The following NBPF26 variants were observed in gnomAD, a reference collection of about 807,000 sequenced individuals.
NBPF26 encodes the protein NBPF member 26, also known as NBPF family member NBPF26.
Under a neutral mutation model 119.6 loss-of-function variants are expected in NBPF26, and 79 were observed. That is an observed-to-expected ratio of 0.66 (90% CI 0.55 to 0.80). NBPF26 has a LOEUF of 0.80. NBPF26 is among the 30% of genes least tolerant of loss of function. NBPF26 has a pLI of 0.00. For missense variants in NBPF26, 800 were observed against 1,198.2 expected, an observed-to-expected ratio of 0.67 and a Z score of 4.91; for synonymous variants, 299 against 457.7, an observed-to-expected ratio of 0.65 and a Z score of 4.43.
chr1:120,819,317 T>C (rs1652081442), intron 15 of NBPF26, among the ~76,000 whole-genome samples: 1 of 115,804 alleles, frequency 8.6e-6, no homozygotes, highest in Non-Finnish European at 1.7e-5. Context: ...CTTTTTTTTG[T>C]TTTCCATTTG....
Position 120,832,575 on chromosome 1 carries a change from T to G in NBPF26, c.3263-300T>G, listed in dbSNP as rs1367365405. On this transcript the variant is annotated intron_variant, in intron 22 of 29. Coordinates refer to ENST00000620612, the Ensembl canonical transcript of NBPF26. Reference sequence around the variant, plus strand: ...TTGCAGTTTTTCTCCTAGAAATCATTTGAGGGTATTTGCTTTAAGTTGATT... The same window carrying G: ...TTGCAGTTTTTCTCCTAGAAATCATGTGAGGGTATTTGCTTTAAGTTGATT... Among the ~76,000 whole-genome samples the G allele has an allele frequency of 5.0e-5, 6 of 119,142 alleles. No homozygotes were observed. The East Asian group carries it at 1.3e-3, about 25-fold the overall frequency. The allele number at this position is 119,142 out of a possible 152,430, so 78.2% of individuals were successfully genotyped here. A position where few individuals can be genotyped will look rare whatever the true frequency, so the allele number is the denominator to read the frequency against.
intron 4 of NBPF26, among the ~76,000 whole-genome samples, chr1:120,795,937 T>C (rs1651546084): frequency 3.9e-5 from 1 of 25,436 alleles, no homozygotes; most frequent in Non-Finnish European, 7.9e-5. Context: ...TGTGTGTGTG[T>C]GTGTGTGTGT....
chr1:120,745,829 A>C lies in NBPF26; in HGVS notation c.74-17799A>C, dbSNP rs1156812678. Among the ~76,000 whole-genome samples the C allele has an allele frequency of 5.4e-5, 5 of 92,414 alleles. 1 individual carries two copies. The highest frequency in any genetic ancestry group is 3.0e-4 in the South Asian group (1 of 3,360). 60.6% of individuals were successfully genotyped at this position (92,414 alleles called of 152,430 possible). On this transcript the variant is annotated intron_variant, in intron 1 of 29. Transcript: ENST00000620612. ...AGACTGCATCTCAAAAAAAAAAAAA[A>C]AAAAAACAAGGTAAAGTAATTTTTC...
In NBPF26 at chr1:120,784,084, C is replaced by G. The variant is rs1309789586; in HGVS notation, c.156-890C>G. On this transcript the variant is annotated intron_variant, in intron 2 of 29. Coordinates refer to ENST00000620612, the Ensembl canonical transcript of NBPF26. ...CAGTCATAGAAGGTTAGCTGTGAAA[C>G]AATAATTTGGAAAGGTAAATGGGAC... 1.7e-5 allele frequency among the ~76,000 whole-genome samples: 2 copies of G among 116,812 alleles called. 1 individual carries two copies. Among genetic ancestry groups the G allele is most frequent in the Admixed American group, 1.6e-4 (2 of 12,288 alleles). 76.6% of individuals were successfully genotyped at this position (116,812 alleles called of 152,430 possible).
chr1:120,785,314 G>A, intron 3 of NBPF26, 81 bp downstream of exon 3: 1 of 1,048,808 alleles, frequency 9.5e-7, no homozygotes, highest in South Asian at 1.4e-5. Context: ...ATGGTGTCTG[G>A]CTCTTAAATG....
chr1:120,783,638 G>A lies in NBPF26; in HGVS notation c.156-1336G>A, dbSNP rs1354248058. On this transcript the variant is annotated intron_variant, in intron 2 of 29. Coordinates refer to ENST00000620612, the Ensembl canonical transcript of NBPF26. ...AAACTGAACATATGGGACTGGAACA[G>A]TGTATTTTGGAGTCAGTTACAGGAA... 7.5e-5 allele frequency among the ~76,000 whole-genome samples: 8 copies of A among 107,312 alleles called. 1 individual carries two copies. The highest frequency in any genetic ancestry group is 5.2e-5 in the Non-Finnish European group (3 of 57,776). 70.4% of individuals were successfully genotyped at this position (107,312 alleles called of 152,430 possible).
Position 120,806,537 on chromosome 1 carries a change from G to A in NBPF26, c.961+772G>A, listed in dbSNP as rs1445133041. ...GAACCCAGCAGGCAGATGTTGCAGT[G>A]AGCCAAGATTGCACTATTGAACTCC... On this transcript the variant is annotated intron_variant, in intron 5 of 29. Coordinates refer to ENST00000620612, the Ensembl canonical transcript of NBPF26. Among the ~76,000 whole-genome samples, 2 of 124,402 alleles carry A rather than the reference G, an allele frequency of 1.6e-5. 1 individual carries two copies. Among genetic ancestry groups the A allele is most frequent in the Non-Finnish European group, 3.3e-5 (2 of 61,118 alleles). The allele number at this position is 124,402 out of a possible 152,430, so 81.6% of individuals were successfully genotyped here.
rs1370439799 is a variant in NBPF26 at position 120,823,772 on chromosome 1, G to C, written c.2640-202G>C. Among the ~76,000 whole-genome samples the C allele has an allele frequency of 1.8e-5, 2 of 113,032 alleles. 1 individual carries two copies. The highest frequency in any genetic ancestry group is 4.1e-4 in the East Asian group (2 of 4,824). 74.2% of individuals were successfully genotyped at this position (113,032 alleles called of 152,430 possible). On this transcript the variant is annotated intron_variant, in intron 17 of 29. Coordinates refer to ENST00000620612, the Ensembl canonical transcript of NBPF26. ...TCGCTCTGTGTGTGTGTGTGTGTGT[G>C]TGTGTGTGTGTGTGTGTGTCTTTCA...
chr1:120,760,217 T>G (rs1295833958), intron 1 of NBPF26, among the ~76,000 whole-genome samples: 1 of 68,244 alleles, frequency 1.5e-5, no homozygotes, highest in Non-Finnish European at 2.4e-5. Flanking sequence ...AGATGGAGTC[T>G]CTCTCTGTCA....
Position 120,823,327 on chromosome 1 carries a change from T to C in NBPF26, c.2606T>C (p.Val869Ala). Residue 869 changes from valine (V) to alanine (A), a missense_variant, in exon 17 of 30, where the codon GTG becomes GCG. Coordinates refer to ENST00000620612, the Ensembl canonical transcript of NBPF26. ...TTTGCAGGACATCGGTGGGATCAAG[T>C]GAAAAAGGAGGACCACGAGGCAACA... 2.1e-6 allele frequency: 3 copies of C among 1,419,982 alleles called. 1 individual carries two copies. In the South Asian group the frequency reaches 3.6e-5, roughly 17 times the overall value. 88.0% of individuals were successfully genotyped at this position (1,419,982 alleles called of 1,614,324 possible).
At position 120,726,159 on chromosome 1, in the gene NBPF26, A is replaced by C; in HGVS notation, c.73+1909A>C. Among the ~76,000 whole-genome samples the C allele has an allele frequency of 2.0e-5, 2 of 98,344 alleles. 1 individual carries two copies. The highest frequency in any genetic ancestry group is 3.7e-5 in the Non-Finnish European group (2 of 53,958). 64.5% of individuals were successfully genotyped at this position (98,344 alleles called of 152,430 possible). The stretch of plus-strand genomic sequence containing the variant: ...AGGGCTTCTTTTATTATAGGATCTC[A>C]GTGCATAAAACTATGCCCTCCACCT... On this transcript the variant is annotated intron_variant, in intron 1 of 29. Coordinates refer to ENST00000620612, the Ensembl canonical transcript of NBPF26.
chr1:120,728,036 A>G (rs2101341583), intron 1 of NBPF26, among the ~76,000 whole-genome samples: 1 of 118,540 alleles, frequency 8.4e-6, no homozygotes, highest in Non-Finnish European at 1.6e-5. Flanking sequence ...ATTAGAGTTG[A>G]GACTAGAATT....
At chr1:120,817,206 T>A (rs1652028002) in intron 14 of NBPF26, among the ~76,000 whole-genome samples, 1 of 116,700 alleles carries the variant, frequency 8.6e-6, no homozygotes, top group Non-Finnish European at 1.6e-5. Context: ...CCTTTGTATT[T>A]GGAAATATTG....
chr1:120,817,978 C>T (rs1488401319), intron 14 of NBPF26, 145 bp from the exon 15 acceptor site: 1 of 502,964 alleles, frequency 2.0e-6, no homozygotes, highest in Non-Finnish European at 3.4e-6. Context: ...CAAAGTTAAT[C>T]TAGGACAACC....
At chr1:120,811,025 G>T (rs1283026828) in intron 9 of NBPF26, among the ~76,000 whole-genome samples, 2 of 103,056 alleles carry the variant, frequency 1.9e-5, no homozygotes, top group East Asian at 2.2e-4. Context: ...TGGATCATGA[G>T]GTCAGGAGAT....
intron 3 of NBPF26, among the ~76,000 whole-genome samples, chr1:120,788,084 G>T (rs1439276566): frequency 0.026 from 1,622 of 62,076 alleles, 359 homozygotes; most frequent in Admixed American, 0.033. Context: ...ACCATTTGTA[G>T]TCCCGCCTGG....
In NBPF26 at chr1:120,810,760, C is replaced by A. The variant is rs1291633446; in HGVS notation, c.1564+202C>A. ...CTTGAGTTCAGGAGTTGAAGACCAG[C>A]CTACACAATATGGTGAAACCCATCT... On this transcript the variant is annotated intron_variant, in intron 9 of 29. Coordinates refer to ENST00000620612, the Ensembl canonical transcript of NBPF26. 1.4e-4 allele frequency among the ~76,000 whole-genome samples: 16 copies of A among 111,926 alleles called. 4 individuals are homozygous for A. In the South Asian group the frequency reaches 3.0e-3, roughly 21 times the overall value. 73.4% of individuals were successfully genotyped at this position (111,926 alleles called of 152,430 possible). A position where few individuals can be genotyped will look rare whatever the true frequency, so the allele number is the denominator to read the frequency against.
chr1:120,752,546 A>T (rs1651030275), intron 1 of NBPF26, among the ~76,000 whole-genome samples: 2 of 12,762 alleles, frequency 1.6e-4, no homozygotes, highest in Non-Finnish European at 1.4e-4. Context: ...ATATATATAT[A>T]TATATATATT....
In NBPF26 at chr1:120,811,272, G is replaced by A. The variant is rs1257466997; in HGVS notation, c.1565-614G>A. On this transcript the variant is annotated intron_variant, in intron 9 of 29. Transcript: ENST00000620612. ...CAAAAAAAAAAAGTCTCTGACCAGG[G>A]GCGCTGGCTCACATCTTAATCCCAA... 1.9e-5 allele frequency among the ~76,000 whole-genome samples: 2 copies of A among 106,122 alleles called. 1 individual carries two copies. The highest frequency in any genetic ancestry group is 1.1e-4 in the African/African-American group (2 of 17,440). The allele number at this position is 106,122 out of a possible 152,430, so 69.6% of individuals were successfully genotyped here. A position where few individuals can be genotyped will look rare whatever the true frequency, so the allele number is the denominator to read the frequency against.
Sources: allele counts gnomAD v4.1 joint callset (sites outside exome capture counted in the v4.1 genomes callset), GRCh38; gene constraint gnomAD v4.1.1; transcripts MANE v1.5; gene names NCBI Gene and HGNC (gene_info 2026-07-23, HGNC 2026-07-21).